DGKI: variants seen among roughly 807,000 people sequenced by gnomAD.
DGKI encodes the protein diacylglycerol kinase iota.
DGKI carries 55 observed loss-of-function variants against 147.5 expected under a neutral mutation model. The ratio of observed to expected loss-of-function variants is 0.37; its 90% CI spans 0.30 to 0.47. The LOEUF is 0.47. Among genes scored for constraint, DGKI ranks in the 20% least tolerant of loss-of-function variants. The probability of loss-of-function intolerance (pLI) is 1.00; values close to 1 mark genes in which losing one functional copy is unlikely to be tolerated. For missense variants in DGKI, 1,007 were observed against 1,323.8 expected, an observed-to-expected ratio of 0.76 and a Z score of 3.71; for synonymous variants, 469 against 477.1, an observed-to-expected ratio of 0.98 and a Z score of 0.22.
chr7:137,490,469 C>T (rs1002068686), intron 21 of DGKI, among the ~76,000 whole-genome samples: 1 of 152,190 alleles, frequency 6.6e-6, no homozygotes, highest in Admixed American at 6.5e-5. Context: ...ACCCAATCAT[C>T]TATCTTTTAA....
intron 1 of DGKI, among the ~76,000 whole-genome samples, chr7:137,699,306 G>C (rs1823898251): frequency 6.6e-6 from 1 of 152,176 alleles, no homozygotes; most frequent in South Asian, 2.1e-4. Flanking sequence ...GGATTGAGAG[G>C]GGGCATAAAC....
At chr7:137,689,740 G>GA (rs1823540113) in intron 2 of DGKI, among the ~76,000 whole-genome samples, 154 bp downstream of exon 2, 1 of 152,232 alleles carries the variant, frequency 6.6e-6, no homozygotes, top group Admixed American at 6.5e-5. Flanking sequence ...ATAGGAGTTT[G>GA]AAAATGGAGC....
chr7:137,583,121 A>T (rs1354079527), intron 14 of DGKI, among the ~76,000 whole-genome samples: 1 of 152,160 alleles, frequency 6.6e-6, no homozygotes, highest in African/African-American at 2.4e-5. Flanking sequence ...AATGCAGAAA[A>T]AAGAAAATTG....
chr7:137,506,972 T>C (rs895634820), intron 21 of DGKI, among the ~76,000 whole-genome samples: 3 of 152,214 alleles, frequency 2.0e-5, no homozygotes, highest in Non-Finnish European at 2.9e-5. Flanking sequence ...ACTACAATTC[T>C]TACTTGATGG....
chr7:137,592,177 C>T (rs1337552190), intron 12 of DGKI, among the ~76,000 whole-genome samples: 2 of 152,216 alleles, frequency 1.3e-5, no homozygotes, highest in Non-Finnish European at 2.9e-5. Context: ...TTGAAAGGTT[C>T]TATGGGCAGG....
At chr7:137,449,128 G>A (rs1050292904) in intron 27 of DGKI, among the ~76,000 whole-genome samples, 1 of 152,124 alleles carries the variant, frequency 6.6e-6, no homozygotes, top group African/African-American at 2.4e-5. Context: ...TCACAGATTA[G>A]TAGAAACAAT....
chr7:137,713,183 T>C (rs745607557), intron 1 of DGKI, among the ~76,000 whole-genome samples: 37 of 152,346 alleles, frequency 2.4e-4, no homozygotes, highest in Non-Finnish European at 7.3e-5. Flanking sequence ...TAAGCATTCA[T>C]GTATGATTCA....
chr7:137,458,083 A>T (rs943187752), intron 27 of DGKI, among the ~76,000 whole-genome samples: 15 of 152,172 alleles, frequency 9.9e-5, no homozygotes, highest in Admixed American at 2.0e-4. Flanking sequence ...CTTTAGTTGT[A>T]TATCTTCAGT....
chr7:137,775,326 G>T (rs1179275524), intron 1 of DGKI, among the ~76,000 whole-genome samples: 1 of 152,138 alleles, frequency 6.6e-6, no homozygotes, highest in East Asian at 1.9e-4. Flanking sequence ...CGATAGGCAG[G>T]CACTCATTCC....
intron 2 of DGKI, among the ~76,000 whole-genome samples, chr7:137,683,524 G>A (rs898752837): frequency 6.6e-6 from 1 of 152,046 alleles, no homozygotes; most frequent in Non-Finnish European, 1.5e-5. Context: ...ACAGGCATAT[G>A]CCAACACACT....
intron 3 of DGKI, among the ~76,000 whole-genome samples, chr7:137,661,751 A>G (rs536602322): frequency 6.6e-6 from 1 of 152,312 alleles, no homozygotes; most frequent in South Asian, 2.1e-4. Context: ...CCACAGCAGC[A>G]TCTTGGAGAT....
rs1811344791 is a variant in DGKI, at chr7:137,391,118, C to G, written c.*102G>C. The G allele has an allele frequency of 8.9e-6, 8 of 901,020 alleles. No homozygotes were observed. In the East Asian group the frequency reaches 1.9e-4, roughly 22 times the overall value. The allele number at this position is 901,020 out of a possible 1,614,324, so 55.8% of individuals were successfully genotyped here. ...CAGGTAGATTCTTGCAGGAGAGAGA[C>G]AGATATATGAATTCCATCAGCTTCT... On this transcript the variant is annotated 3_prime_UTR_variant, in exon 33 of 33. Transcript: ENST00000614521.
At chr7:137,779,584 ATTTT>A (rs1376665363) in intron 1 of DGKI, among the ~76,000 whole-genome samples, 1 of 152,146 alleles carries the variant, frequency 6.6e-6, no homozygotes, top group African/African-American at 2.4e-5. Flanking sequence ...TTGTATCCAG[ATTTT>A]TTTAACTCCT....
intron 28 of DGKI, among the ~76,000 whole-genome samples, chr7:137,434,118 CAAA>C (rs60899883): frequency 8.5e-5 from 11 of 129,102 alleles, no homozygotes; most frequent in Admixed American, 1.5e-4. Flanking sequence ...AACTCCATCT[CAAA>C]AAAAAAAAAA....
chr7:137,759,021 G>T (rs940446191), intron 1 of DGKI, among the ~76,000 whole-genome samples: 11 of 152,216 alleles, frequency 7.2e-5, no homozygotes, highest in Middle Eastern at 3.4e-3. Context: ...TGGGTACATG[G>T]CATACTGGTG....
At chr7:137,458,761 A>G (rs1814304464) in intron 27 of DGKI, among the ~76,000 whole-genome samples, 1 of 152,204 alleles carries the variant, frequency 6.6e-6, no homozygotes, top group Non-Finnish European at 1.5e-5. Context: ...TTCCCTCTCT[A>G]TTAATCTTCT....
intron 1 of DGKI, among the ~76,000 whole-genome samples, chr7:137,707,138 C>T (rs1258920305): frequency 6.6e-6 from 1 of 152,142 alleles, no homozygotes; most frequent in Non-Finnish European, 1.5e-5. Flanking sequence ...ATTTCTAATT[C>T]TAAATGCCAC....
At chr7:137,466,773 G>A in intron 25 of DGKI, 129 bp downstream of exon 25, 1 of 896,470 alleles carries the variant, frequency 1.1e-6, no homozygotes, top group South Asian at 1.4e-5. Context: ...TCAAGCTTAA[G>A]TTATGAACAC....
chr7:137,478,698 TGGAA>T (rs766223350), intron 23 of DGKI, among the ~76,000 whole-genome samples: 1 of 152,044 alleles, frequency 6.6e-6, no homozygotes, highest in Non-Finnish European at 1.5e-5. Flanking sequence ...GAATTAGACT[TGGAA>T]GGAAATAGGA....
Sources: gnomAD v4.1 joint callset for allele counts (sites outside exome capture counted in the v4.1 genomes callset) on GRCh38, gnomAD v4.1.1 for gene constraint, MANE v1.5 for transcripts, NCBI Gene and HGNC (gene_info 2026-07-23, HGNC 2026-07-21) for gene names.